Variants in KCNH5 observed in about 807,000 individuals in gnomAD.
KCNH5 encodes the protein potassium voltage-gated channel subfamily H member 5.
KCNH5 carries 46 observed loss-of-function variants against 96.1 expected under a neutral mutation model. The ratio of observed to expected loss-of-function variants is 0.48; its 90% CI spans 0.38 to 0.61. KCNH5 has a LOEUF of 0.61. Ranked by LOEUF, KCNH5 falls within the 20% of genes least tolerant of loss-of-function variation. The pLI is 0.00. For missense variants in KCNH5, 907 were observed against 1,225.8 expected (o/e 0.74, Z 3.88); for synonymous variants, 439 against 449.8 (o/e 0.98, Z 0.30).
chr14:62,833,745 A>T (rs1272108407), intron 8 of KCNH5, among the ~76,000 whole-genome samples: 2 of 152,046 alleles, frequency 1.3e-5, no homozygotes, highest in Non-Finnish European at 2.9e-5. Flanking sequence ...CCATACAGGT[A>T]AATATTAATC....
chr14:62,796,549 A>ATG (rs1158734088), intron 9 of KCNH5, among the ~76,000 whole-genome samples: 1 of 152,208 alleles, frequency 6.6e-6, no homozygotes, highest in Non-Finnish European at 1.5e-5. Context: ...TTAGTTTAAT[A>ATG]ACTCTAACCC....
rs369010814 is a variant in KCNH5, at chr14:63,000,896, G to A, written c.433+435C>T. On this transcript the variant is annotated intron_variant, in intron 4 of 10. Coordinates refer to ENST00000322893, the MANE Select transcript of KCNH5 (RefSeq NM_139318.5). ...TTGAAACCAGCCTGGGCAACATGGC[G>A]AAACCCTGACTCTATAAAAAATAGA... Among the ~76,000 whole-genome samples, 93 of 152,220 alleles carry A rather than the reference G, an allele frequency of 6.1e-4. 5 individuals are homozygous for A. The highest frequency in any genetic ancestry group is 5.4e-3 in the South Asian group (26 of 4,816).
chr14:62,810,410 T>C (rs1886849562), intron 8 of KCNH5, among the ~76,000 whole-genome samples: 1 of 152,018 alleles, frequency 6.6e-6, no homozygotes, highest in African/African-American at 2.4e-5. Flanking sequence ...AACAAGTCCA[T>C]CTTGAATAGG....
intron 8 of KCNH5, among the ~76,000 whole-genome samples, chr14:62,819,583 T>C (rs1476313662): frequency 2.0e-5 from 3 of 152,176 alleles, no homozygotes; most frequent in East Asian, 1.9e-4. Context: ...AACTACTAAA[T>C]TGTACATTTT....
chr14:62,894,450 C>T (rs921542836), intron 7 of KCNH5, among the ~76,000 whole-genome samples: 1 of 152,206 alleles, frequency 6.6e-6, no homozygotes, highest in African/African-American at 2.4e-5. Context: ...TGCTCCTGCA[C>T]GTTTGTAAGT....
chr14:63,019,410 G>C (rs969246011), intron 1 of KCNH5, among the ~76,000 whole-genome samples: 2 of 151,940 alleles, frequency 1.3e-5, no homozygotes, highest in African/African-American at 4.8e-5. Context: ...GTAGAACAAA[G>C]TTCTACTATA....
intron 10 of KCNH5, among the ~76,000 whole-genome samples, chr14:62,737,245 T>C (rs1885177699): frequency 1.3e-5 from 2 of 152,208 alleles, no homozygotes; most frequent in South Asian, 4.1e-4. Context: ...CTTCATTTTT[T>C]GTTGGCTTTG....
chr14:62,859,437 T>C (rs765972529), intron 7 of KCNH5, among the ~76,000 whole-genome samples: 4 of 152,142 alleles, frequency 2.6e-5, no homozygotes, highest in Non-Finnish European at 5.9e-5. Flanking sequence ...AGTCATCCTA[T>C]CCACTTGATT....
intron 5 of KCNH5, among the ~76,000 whole-genome samples, chr14:62,984,022 A>G (rs187382578): frequency 6.6e-6 from 1 of 152,274 alleles, no homozygotes; most frequent in East Asian, 1.9e-4. Context: ...CACAAAAAAT[A>G]AGCTTCATCT....
At chr14:62,757,342 C>T (rs915623665) in intron 10 of KCNH5, among the ~76,000 whole-genome samples, 1 of 152,050 alleles carries the variant, frequency 6.6e-6, no homozygotes, top group Non-Finnish European at 1.5e-5. Flanking sequence ...TACTGTTGGT[C>T]GGAATGTAAA....
chr14:62,964,385 C>A (rs537990453), intron 6 of KCNH5, among the ~76,000 whole-genome samples: 2 of 152,224 alleles, frequency 1.3e-5, no homozygotes. Context: ...AACATGTTCA[C>A]CTCCTCATCA....
At chr14:62,956,506 T>A (rs1235104616) in intron 6 of KCNH5, among the ~76,000 whole-genome samples, 2 of 151,982 alleles carry the variant, frequency 1.3e-5, no homozygotes, top group Non-Finnish European at 2.9e-5. Context: ...ATATGTCATA[T>A]TTAAACATCA....
intron 6 of KCNH5, among the ~76,000 whole-genome samples, chr14:62,955,097 A>C (rs922387254): frequency 3.3e-5 from 5 of 151,584 alleles, no homozygotes; most frequent in East Asian, 3.9e-4. Flanking sequence ...AAAAAAAAAA[A>C]CCCCTCAAAA....
chr14:62,911,167 T>C (rs926616604), intron 7 of KCNH5, among the ~76,000 whole-genome samples: 5 of 152,234 alleles, frequency 3.3e-5, no homozygotes, highest in African/African-American at 1.2e-4. Context: ...CACAAGAATA[T>C]ATGAATAAAT....
intron 10 of KCNH5, among the ~76,000 whole-genome samples, chr14:62,759,944 C>A (rs1247451719): frequency 6.6e-6 from 1 of 152,172 alleles, no homozygotes; most frequent in African/African-American, 2.4e-5. Context: ...CTTTTCTTTT[C>A]TCCCCACCTG....
rs1275773823 is a variant in KCNH5 at position 63,045,388 on chromosome 14, A to G, written c.-202T>C. 1.5e-5 allele frequency: 9 copies of G among 589,332 alleles called. No homozygotes were observed. The highest frequency in any genetic ancestry group is 1.9e-5 in the African/African-American group (1 of 53,602). 36.5% of individuals were successfully genotyped at this position (589,332 alleles called of 1,614,324 possible). The stretch of plus-strand genomic sequence containing the variant: ...TCTGGGGAGGAGGACCAGGCAGTTC[A>G]TGGTAGTAGCGCTCCCCCGGCCGCC... On this transcript the variant is annotated 5_prime_UTR_variant, in exon 1 of 11. An upstream start codon of the reference 5' UTR is lost. Coordinates refer to ENST00000322893, the MANE Select transcript of KCNH5 (RefSeq NM_139318.5).
intron 1 of KCNH5, among the ~76,000 whole-genome samples, chr14:63,018,728 C>A (rs1210312248): frequency 6.6e-6 from 1 of 151,978 alleles, no homozygotes; most frequent in African/African-American, 2.4e-5. Flanking sequence ...AATTTAACTG[C>A]CTGATTTTTA....
At chr14:63,041,888 G>A (rs1891831246) in intron 1 of KCNH5, among the ~76,000 whole-genome samples, 1 of 152,108 alleles carries the variant, frequency 6.6e-6, no homozygotes, top group African/African-American at 2.4e-5. Flanking sequence ...AGAATACAGT[G>A]CTGGTATTCT....
At chr14:62,723,121 T>C (rs979474888) in intron 10 of KCNH5, among the ~76,000 whole-genome samples, 7 of 151,984 alleles carry the variant, frequency 4.6e-5, no homozygotes, top group Non-Finnish European at 1.0e-4. Context: ...CTAGGGTAGA[T>C]ACAATATCTT....
Sources: allele counts gnomAD v4.1 joint callset (sites outside exome capture counted in the v4.1 genomes callset), GRCh38; gene constraint gnomAD v4.1.1; transcripts MANE v1.5; gene names NCBI Gene and HGNC (gene_info 2026-07-23, HGNC 2026-07-21).